Variants in LPAR1 observed in about 807,000 individuals in gnomAD.
The protein encoded by LPAR1 is LPA receptor 1.
In LPAR1, 5 loss-of-function variants were observed where a neutral mutation model predicts 23.8. The observed-to-expected ratio is 0.21, with a 90% CI of 0.11 to 0.44. LPAR1 has a LOEUF of 0.44. Ranked by LOEUF, LPAR1 falls within the 20% of genes least tolerant of loss-of-function variation. LPAR1 has a pLI of 0.99. For missense variants in LPAR1, 311 were observed against 482.8 expected, an observed-to-expected ratio of 0.64 and a Z score of 3.33; for synonymous variants, 160 against 164.7, an observed-to-expected ratio of 0.97 and a Z score of 0.22.
At chr9:110,964,945 C>A (rs2096154568) in intron 4 of LPAR1, among the ~76,000 whole-genome samples, 1 of 144,590 alleles carries the variant, frequency 6.9e-6, no homozygotes, top group African/African-American at 2.6e-5. Context: ...CTCACTGCAA[C>A]CTGCCACATT....
At chr9:110,967,954 C>T (rs1220095002) in intron 4 of LPAR1, among the ~76,000 whole-genome samples, 5 of 152,144 alleles carry the variant, frequency 3.3e-5, no homozygotes, top group African/African-American at 9.7e-5. Context: ...ACTCCTTCCC[C>T]GTGGGCTTAG....
At chr9:110,971,747 A>T (rs1371213836) in intron 4 of LPAR1, among the ~76,000 whole-genome samples, 1 of 124,274 alleles carries the variant, frequency 8.0e-6, no homozygotes, top group Non-Finnish European at 1.8e-5. Context: ...CCCACAAAAA[A>T]GCCAAGAGAG....
intron 5 of LPAR1, among the ~76,000 whole-genome samples, chr9:110,936,116 T>C (rs1335348604): frequency 2.4e-4 from 36 of 152,188 alleles, no homozygotes; most frequent in African/African-American, 2.4e-5. Flanking sequence ...CATCACTCTC[T>C]GCCCATACCT....
intron 5 of LPAR1, among the ~76,000 whole-genome samples, chr9:110,906,359 C>T (rs1489164003): frequency 6.6e-6 from 1 of 152,046 alleles, no homozygotes; most frequent in Admixed American, 6.6e-5. Flanking sequence ...ATAATGTTGA[C>T]ACTGGTGATG....
At chr9:111,008,939 G>T (rs936103778) in intron 2 of LPAR1, among the ~76,000 whole-genome samples, 2 of 152,016 alleles carry the variant, frequency 1.3e-5, no homozygotes, top group South Asian at 2.1e-4. Flanking sequence ...GCTTACATTG[G>T]GAGAATGGGG....
chr9:110,992,885 T>C (rs1461683424), intron 2 of LPAR1, among the ~76,000 whole-genome samples: 1 of 152,208 alleles, frequency 6.6e-6, no homozygotes, highest in South Asian at 2.1e-4. Context: ...CTGAGGAGTG[T>C]TGGATATGTT....
chr9:110,916,601 C>CATT (rs3030134), intron 5 of LPAR1, among the ~76,000 whole-genome samples: 151,957 of 151,972 alleles, frequency 1, 75,971 homozygotes, highest in Middle Eastern at 1. Context: ...GTAGGAAGAC[C>CATT]ATTATTATTA....
At chr9:111,036,800 G>GA (rs951237436) in intron 1 of LPAR1, among the ~76,000 whole-genome samples, 12 of 151,960 alleles carry the variant, frequency 7.9e-5, no homozygotes, top group African/African-American at 2.4e-4. Flanking sequence ...CAAGTATCAA[G>GA]AAAAAAATGC....
intron 2 of LPAR1, among the ~76,000 whole-genome samples, chr9:110,984,908 G>A (rs181059198): frequency 2.1e-3 from 312 of 151,890 alleles, no homozygotes; most frequent in Non-Finnish European, 3.6e-3. Context: ...TTTTGAGAAA[G>A]GAGCCAATCA....
chr9:110,876,898 G>A (rs1341145559), intron 5 of LPAR1, among the ~76,000 whole-genome samples: 1 of 152,178 alleles, frequency 6.6e-6, no homozygotes, highest in Non-Finnish European at 1.5e-5. Flanking sequence ...CTACCACTGT[G>A]TTACTCCAGA....
At chr9:110,981,063 C>A (rs2096656024) in intron 2 of LPAR1, among the ~76,000 whole-genome samples, 1 of 152,056 alleles carries the variant, frequency 6.6e-6, no homozygotes, top group South Asian at 2.1e-4. Flanking sequence ...TAAAAGAACT[C>A]TTTTATAAGG....
At chr9:111,012,461 G>GCA (rs1361187474) in intron 2 of LPAR1, among the ~76,000 whole-genome samples, 1 of 118,116 alleles carries the variant, frequency 8.5e-6, no homozygotes, top group Non-Finnish European at 1.8e-5. Flanking sequence ...ATGCATGTAC[G>GCA]CACGCGCGCA....
chr9:110,950,045 T>C (rs2095519989), intron 4 of LPAR1, among the ~76,000 whole-genome samples: 1 of 152,204 alleles, frequency 6.6e-6, no homozygotes, highest in African/African-American at 2.4e-5. Context: ...TTAATTTCCC[T>C]AACTTATTGA....
intron 4 of LPAR1, among the ~76,000 whole-genome samples, chr9:110,944,203 T>C (rs2095290766): frequency 6.6e-6 from 1 of 152,204 alleles, no homozygotes; most frequent in Admixed American, 6.5e-5. Context: ...GGGTCCCAAG[T>C]AATGCCAAGG....
intron 2 of LPAR1, among the ~76,000 whole-genome samples, chr9:111,005,869 T>C (rs1488319611): frequency 6.6e-6 from 1 of 152,160 alleles, no homozygotes; most frequent in South Asian, 2.1e-4. Flanking sequence ...ACACACATCA[T>C]CAGCAGTGTG....
intron 2 of LPAR1, among the ~76,000 whole-genome samples, chr9:111,020,704 C>T (rs537325633): frequency 6.6e-6 from 1 of 152,290 alleles, no homozygotes; most frequent in East Asian, 1.9e-4. Flanking sequence ...CTAGTACCTA[C>T]TTGGACCTAC....
Position 111,038,188 on chromosome 9 carries a change from G to C in LPAR1, c.-283C>G, listed in dbSNP as rs1445405186. On this transcript the variant is annotated 5_prime_UTR_variant, in exon 1 of 6. Transcript: ENST00000683809. This position sits in a 1 kb window ranked among gnomAD's most constrained non-coding sequence, Gnocchi z 4.4. Reference sequence around the variant, plus strand: ...TTACCTGCGCTCGCTGCCGCCGCGCGTCCCTCTCCTGCCGCCCCCGGGCTG... The same window carrying C: ...TTACCTGCGCTCGCTGCCGCCGCGCCTCCCTCTCCTGCCGCCCCCGGGCTG... The C allele has an allele frequency of 1.3e-5, 2 of 150,006 alleles. No individual in the cohort carries two copies. The highest frequency in any genetic ancestry group is 2.1e-4 in the South Asian group (1 of 4,834). The allele number at this position is 150,006 out of a possible 1,614,324, so 9.3% of individuals were successfully genotyped here.
chr9:110,978,217 G>A (rs534367176), intron 2 of LPAR1, among the ~76,000 whole-genome samples: 1 of 152,266 alleles, frequency 6.6e-6, no homozygotes, highest in African/African-American at 2.4e-5. Context: ...AAAAGAGTCT[G>A]CGCTAACCAG....
chr9:111,008,960 G>T (rs2097272818), intron 2 of LPAR1, among the ~76,000 whole-genome samples: 1 of 152,000 alleles, frequency 6.6e-6, no homozygotes, highest in African/African-American at 2.4e-5. Context: ...AGTGGGGTGG[G>T]ATCGCAAAGC....
Sources: allele counts gnomAD v4.1 joint callset (sites outside exome capture counted in the v4.1 genomes callset), GRCh38; gene constraint gnomAD v4.1.1; non-coding constraint Gnocchi (gnomAD v3.1); transcripts MANE v1.5; gene names NCBI Gene and HGNC (gene_info 2026-07-23, HGNC 2026-07-21).